COL21A1: variants seen among roughly 807,000 people sequenced by gnomAD.
COL21A1 encodes the protein collagen alpha-1(XXI) chain.
COL21A1 carries 149 observed loss-of-function variants against 137.9 expected under a neutral mutation model. That is an observed-to-expected ratio of 1.08 (90% CI 0.95 to 1.24). COL21A1 has a LOEUF of 1.24. Among genes scored for constraint, COL21A1 ranks in the 50% most tolerant of loss-of-function variants. The pLI is 0.00. For synonymous variants in COL21A1, 456 were observed against 391.5 expected, an observed-to-expected ratio of 1.16 and a Z score of -1.95; for missense variants, 1,167 against 1,158.4, an observed-to-expected ratio of 1.01 and a Z score of -0.11.
chr6:56,283,334 T>C (rs890011319), intron 1 of COL21A1, among the ~76,000 whole-genome samples: 1 of 151,904 alleles, frequency 6.6e-6, no homozygotes, highest in African/African-American at 2.4e-5. Context: ...TTTTGACAAA[T>C]ATTTAACCAT....
At chr6:56,314,195 G>A (rs548636330) in intron 1 of COL21A1, among the ~76,000 whole-genome samples, 1 of 152,262 alleles carries the variant, frequency 6.6e-6, no homozygotes, top group South Asian at 2.1e-4. Flanking sequence ...ATGTTGGTCA[G>A]GATGATCTCC....
At chr6:56,174,103 G>A (rs1777267060) in intron 3 of COL21A1, among the ~76,000 whole-genome samples, 1 of 152,016 alleles carries the variant, frequency 6.6e-6, no homozygotes, top group Admixed American at 6.6e-5. Flanking sequence ...GGTCAAAGAA[G>A]AAATCAGAGA....
chr6:56,266,897 C>T (rs1200809912), intron 1 of COL21A1, among the ~76,000 whole-genome samples: 1 of 152,122 alleles, frequency 6.6e-6, no homozygotes, highest in Admixed American at 6.5e-5. Flanking sequence ...CTATTAATAG[C>T]TCATATTGAC....
chr6:56,367,307 G>A (rs941848571), intron 1 of COL21A1, among the ~76,000 whole-genome samples: 2 of 152,100 alleles, frequency 1.3e-5, no homozygotes, highest in Admixed American at 6.5e-5. Context: ...TTCCCTATGT[G>A]ATCCAAGTCT....
At chr6:56,266,617 A>C (rs1763397938) in intron 1 of COL21A1, among the ~76,000 whole-genome samples, 1 of 152,262 alleles carries the variant, frequency 6.6e-6, no homozygotes, top group Admixed American at 6.5e-5. Context: ...CTTTGAAAGA[A>C]AAGTACCTAA....
At chr6:56,127,156 C>A (rs959493551) in intron 12 of COL21A1, among the ~76,000 whole-genome samples, 2 of 152,198 alleles carry the variant, frequency 1.3e-5, no homozygotes, top group African/African-American at 4.8e-5. Flanking sequence ...TCCAACACCT[C>A]CTCCCCATCT....
intron 19 of COL21A1, 108 bp from the exon 20 acceptor site, chr6:56,074,393 T>G: frequency 1.5e-6 from 1 of 675,722 alleles, no homozygotes; most frequent in Non-Finnish European, 2.5e-6. Flanking sequence ...TAAATTATAA[T>G]ACAGATCTGA....
chr6:56,328,744 C>T (rs149846719), intron 1 of COL21A1, among the ~76,000 whole-genome samples: 97 of 152,076 alleles, frequency 6.4e-4, no homozygotes, highest in Admixed American at 2.2e-3. Context: ...GCATGTTTTC[C>T]CACCCACTAT....
At chr6:56,321,397 T>C (rs2152341393) in intron 1 of COL21A1, among the ~76,000 whole-genome samples, 1 of 152,296 alleles carries the variant, frequency 6.6e-6, no homozygotes, top group Middle Eastern at 3.4e-3. Context: ...TCATTGAGAT[T>C]TTTGCATTGG....
chr6:56,194,248 C>T (rs982997423), intron 1 of COL21A1, among the ~76,000 whole-genome samples: 3 of 152,094 alleles, frequency 2.0e-5, no homozygotes. Context: ...TTTAAATTGA[C>T]AATCATTAAA....
chr6:56,270,340 A>G (rs1443077716), intron 1 of COL21A1, among the ~76,000 whole-genome samples: 1 of 152,250 alleles, frequency 6.6e-6, no homozygotes, highest in Non-Finnish European at 1.5e-5. Flanking sequence ...ACATGACACA[A>G]AAGATCCAAT....
chr6:56,098,042 AAT>A (rs1197181427), intron 17 of COL21A1, among the ~76,000 whole-genome samples: 2 of 52,872 alleles, frequency 3.8e-5, no homozygotes, highest in Non-Finnish European at 6.0e-5. Context: ...TAAATATATA[AAT>A]ATATATAAAT....
At chr6:56,360,279 G>A (rs1226170079) in intron 1 of COL21A1, among the ~76,000 whole-genome samples, 8 of 152,214 alleles carry the variant, frequency 5.3e-5, no homozygotes, top group Admixed American at 5.2e-4. Context: ...CTGATGTGAT[G>A]TGGACCACTT....
intron 1 of COL21A1, among the ~76,000 whole-genome samples, chr6:56,362,781 C>G (rs1185656477): frequency 6.6e-6 from 1 of 152,144 alleles, no homozygotes; most frequent in Admixed American, 6.6e-5. Flanking sequence ...TGTTAAGAAC[C>G]TCAGCAGCCT....
At chr6:56,101,744 GATAA>G (rs1770477808) in intron 16 of COL21A1, among the ~76,000 whole-genome samples, 1 of 145,316 alleles carries the variant, frequency 6.9e-6, no homozygotes, top group Non-Finnish European at 1.5e-5. Flanking sequence ...CATAATGGCA[GATAA>G]TTAAGTTATT....
At chr6:56,181,295 A>G (rs2152281978) in intron 2 of COL21A1, among the ~76,000 whole-genome samples, 1 of 152,328 alleles carries the variant, frequency 6.6e-6, no homozygotes, top group Middle Eastern at 3.4e-3. Context: ...TCCAGAGGCA[A>G]ACTTCCTAAC....
At chr6:56,182,782 A>C in intron 1 of COL21A1, 126 bp from the exon 2 acceptor site, 1 of 567,572 alleles carries the variant, frequency 1.8e-6, no homozygotes, top group Non-Finnish European at 3.1e-6. Flanking sequence ...GAATTAACTT[A>C]AATCTGTTTA....
Position 56,060,949 on chromosome 6 carries a change from G to T in COL21A1, c.2294C>A (p.Pro765His). 2 of 1,606,864 alleles carry T rather than the reference G, an allele frequency of 1.2e-6. No homozygotes were observed. The highest frequency in any genetic ancestry group is 1.7e-6 in the Non-Finnish European group (2 of 1,177,302). The change falls in exon 26 of 30, where the codon CCT becomes CAT. Residue 765 changes from proline (P) to histidine (H), a missense_variant. Transcript: ENST00000244728. ...GVDGLMGPAG[P>H]KGQPGDPGPQ... is the part of the protein sequence containing the mutation. ...ACCTGGATCCCCAGGTTGCCCCTTA[G>T]GACCTGCGGGCCCCATCAAGCCATC... is the stretch of plus-strand genomic sequence containing the variant.
chr6:56,205,475 T>C (rs1779706070), intron 1 of COL21A1, among the ~76,000 whole-genome samples: 1 of 152,088 alleles, frequency 6.6e-6, no homozygotes, highest in Admixed American at 6.5e-5. Flanking sequence ...CCAAGAAATA[T>C]GGGAATATGT....
Sources: allele counts gnomAD v4.1 joint callset (sites outside exome capture counted in the v4.1 genomes callset), GRCh38; gene constraint gnomAD v4.1.1; transcripts MANE v1.5; gene names NCBI Gene and HGNC (gene_info 2026-07-23, HGNC 2026-07-21).